The following MEGF10 variants were observed in gnomAD, a reference collection of about 807,000 sequenced individuals.
MEGF10 encodes the protein multiple EGF like domains 10, also known as multiple epidermal growth factor-like domains protein 10.
Under a neutral mutation model 147.5 loss-of-function variants are expected in MEGF10, and 86 were observed. That is an observed-to-expected ratio of 0.58 (90% CI 0.49 to 0.70). The LOEUF (loss-of-function observed/expected upper bound fraction) is 0.70, where lower values mean the gene tolerates loss of function less well. Among genes scored for constraint, MEGF10 ranks in the 30% least tolerant of loss-of-function variants. The pLI is 0.00. For synonymous variants in MEGF10, 478 were observed against 525.5 expected (o/e 0.91, Z 1.24); for missense variants, 1,329 against 1,487.3 (o/e 0.89, Z 1.75).
At chr5:127,269,096 A>G in the MEGF10 span, among the ~76,000 whole-genome samples, 1 of 152,246 alleles carries the variant, frequency 6.6e-6, no homozygotes, top group Non-Finnish European at 1.5e-5. Context: ...GTTGGTCACC[A>G]TCATCAAAGA....
the MEGF10 span, among the ~76,000 whole-genome samples, chr5:127,253,927 A>G: frequency 1.1e-3 from 165 of 152,242 alleles, no homozygotes; most frequent in Non-Finnish European, 7.2e-4. Context: ...GAAAAAATTG[A>G]AAAATAGTTC....
chr5:127,271,155 T>C, the MEGF10 span, among the ~76,000 whole-genome samples: 1 of 152,208 alleles, frequency 6.6e-6, no homozygotes, highest in African/African-American at 2.4e-5. Flanking sequence ...TCCACAATGG[T>C]TGAACTAATT....
chr5:127,317,162 G>A (rs1760586999), intron 1 of MEGF10, among the ~76,000 whole-genome samples: 1 of 152,162 alleles, frequency 6.6e-6, no homozygotes, highest in African/African-American at 2.4e-5. Context: ...TTAAGAAGGG[G>A]AGTGTGGGGT....
At chr5:127,244,976 TC>T in the MEGF10 span, among the ~76,000 whole-genome samples, 4 of 151,956 alleles carry the variant, frequency 2.6e-5, no homozygotes, top group African/African-American at 9.7e-5. Context: ...AAATGGAAAA[TC>T]ATTCCATGCT....
intron 16 of MEGF10, 142 bp downstream of exon 16, chr5:127,435,631 T>G (rs1765529617): frequency 1.1e-6 from 1 of 904,724 alleles, no homozygotes; most frequent in Admixed American, 3.8e-5. Context: ...TAAATTCTTT[T>G]TTTAAAATTC....
At chr5:127,421,988 CAAA>C (rs34631374) in intron 12 of MEGF10, among the ~76,000 whole-genome samples, 2 of 61,286 alleles carry the variant, frequency 3.3e-5, no homozygotes, top group Non-Finnish European at 7.2e-5. Flanking sequence ...GACTCCGTCT[CAAA>C]AAAAAAAAAA....
chr5:127,246,083 G>T, the MEGF10 span, among the ~76,000 whole-genome samples: 1 of 152,274 alleles, frequency 6.6e-6, no homozygotes, highest in East Asian at 1.9e-4. Context: ...AATACCATTT[G>T]ACCCAGCAAT....
intron 12 of MEGF10, among the ~76,000 whole-genome samples, 194 bp downstream of exon 12, chr5:127,420,401 G>T (rs1002139561): frequency 1.3e-5 from 2 of 152,142 alleles, no homozygotes; most frequent in African/African-American, 4.8e-5. Flanking sequence ...AAACTGGTTA[G>T]ATAGGCTCTG....
chr5:127,445,237 C>A (rs759877439), intron 19 of MEGF10: 77 of 553,606 alleles, frequency 1.4e-4, no homozygotes, highest in Non-Finnish European at 1.2e-4. Flanking sequence ...CAGCTTCTGT[C>A]TCTTTTTGAG....
At chr5:127,371,190 ACTGTGTGTGTGTGTGTGT>A (rs1762835884) in intron 5 of MEGF10, among the ~76,000 whole-genome samples, 1 of 93,644 alleles carries the variant, frequency 1.1e-5, no homozygotes, top group Admixed American at 1.0e-4. Flanking sequence ...AGGGACTGGG[ACTGTGTGTGTGTGTGTGT>A]GTGTGTGTGT....
chr5:127,440,852 C>T lies in MEGF10; in HGVS notation c.2347C>T (p.Arg783Trp), dbSNP rs754251946. 2.9e-5 allele frequency: 46 copies of T among 1,613,884 alleles called. No homozygotes were observed. Among genetic ancestry groups the T allele is most frequent in the African/African-American group, 1.3e-4 (10 of 74,906 alleles). The change falls in exon 18 of 25, where the codon CGG becomes TGG. Residue 783 changes from arginine (R) to tryptophan (W), a missense_variant. Around this residue, in one of 3 missense-constraint regions of MEGF10, gnomAD observed 980 missense variants for 1,085.9 expected, o/e 0.90. Coordinates refer to ENST00000503335, the MANE Select transcript of MEGF10 (RefSeq NM_001256545.2). ...QCTCRTGFMG[R>W]HCEQKCPSGT... is the part of the protein sequence containing the mutation. The stretch of plus-strand genomic sequence containing the variant: ...TACTTGCCGCACTGGATTCATGGGA[C>T]GGCACTGTGAGCAGAGTAAGTATGA...
chr5:127,428,393 C>T (rs570892203), intron 13 of MEGF10, among the ~76,000 whole-genome samples: 10 of 152,212 alleles, frequency 6.6e-5, no homozygotes, highest in Admixed American at 2.6e-4. Context: ...CAACTCCCAT[C>T]CTGCAGAAGC....
the MEGF10 span, among the ~76,000 whole-genome samples, chr5:127,246,071 G>A: frequency 6.6e-6 from 1 of 152,152 alleles, no homozygotes; most frequent in Non-Finnish European, 1.5e-5. Context: ...TCTAGAACCA[G>A]AAATACCATT....
Position 127,457,316 on chromosome 5 carries a change from T to A in MEGF10, c.3421T>A (p.Ter1141ArgextTer7), listed in dbSNP as rs61738064. The A allele has an allele frequency of 1.2e-6, 2 of 1,612,820 alleles. No homozygotes were observed. Among genetic ancestry groups the A allele is most frequent in the African/African-American group, 2.7e-5 (2 of 74,944 alleles). The change falls in exon 25 of 25, where the codon TGA becomes AGA. Residue 1141 changes from the stop codon to arginine, a stop_lost. Coordinates refer to ENST00000503335, the MANE Select transcript of MEGF10 (RefSeq NM_001256545.2). ...CAGCAACAGCAGCAGCAGCAGTGAA[T>A]GACACCAAAGGACCGCTTGGTAGCC... ...SSSNSSSSSE[*>R]
chr5:127,241,042 T>C, the MEGF10 span, among the ~76,000 whole-genome samples: 1 of 152,234 alleles, frequency 6.6e-6, no homozygotes, highest in Non-Finnish European at 1.5e-5. Flanking sequence ...ATGATCTATA[T>C]GTACATATTT....
At position 127,405,457 on chromosome 5, in the gene MEGF10, C is replaced by T. The variant is rs77927891; in HGVS notation, c.917+2775C>T. On this transcript the variant is annotated intron_variant, in intron 8 of 24. Coordinates refer to ENST00000503335, the MANE Select transcript of MEGF10 (RefSeq NM_001256545.2). ...AGAAAAACTTGCTTTTGACTATTTA[C>T]TTTTTAATTTATTCATACTACCAAA... is the stretch of plus-strand genomic sequence containing the variant. Among the ~76,000 whole-genome samples, 270 of 152,122 alleles carry T rather than the reference C, an allele frequency of 1.8e-3. 1 individual carries two copies. The highest frequency in any genetic ancestry group is 6.4e-3 in the African/African-American group (264 of 41,530).
At chr5:127,274,367 A>T in the MEGF10 span, among the ~76,000 whole-genome samples, 1 of 152,158 alleles carries the variant, frequency 6.6e-6, no homozygotes, top group Non-Finnish European at 1.5e-5. Context: ...AATACAATAG[A>T]GTTATTTTCA....
At chr5:127,270,956 T>C in the MEGF10 span, among the ~76,000 whole-genome samples, 1 of 152,268 alleles carries the variant, frequency 6.6e-6, no homozygotes, top group Admixed American at 6.5e-5. Context: ...ACATATTTTC[T>C]TTATCCCGTC....
chr5:127,402,178 C>A (rs80211942), intron 7 of MEGF10, among the ~76,000 whole-genome samples: 2 of 152,102 alleles, frequency 1.3e-5, no homozygotes, highest in Non-Finnish European at 2.9e-5. Flanking sequence ...GTATTGTTGA[C>A]TTATTGTGCA....
Sources: allele counts gnomAD v4.1 joint callset (sites outside exome capture counted in the v4.1 genomes callset), GRCh38; gene constraint gnomAD v4.1.1; regional missense constraint gnomAD v4.1.1; transcripts MANE v1.5; gene names NCBI Gene and HGNC (gene_info 2026-07-23, HGNC 2026-07-21).